DOCK4: variants seen among roughly 807,000 people sequenced by gnomAD.
The protein encoded by DOCK4 is dedicator of cytokinesis 4, also known as dedicator of cytokinesis protein 4.
A neutral mutation model predicts 268.1 loss-of-function variants in DOCK4; 97 were observed. The ratio of observed to expected loss-of-function variants is 0.36; its 90% CI spans 0.31 to 0.43. The LOEUF (loss-of-function observed/expected upper bound fraction) is 0.43. Ranked by LOEUF, DOCK4 falls within the 20% of genes least tolerant of loss-of-function variation. The probability of loss-of-function intolerance (pLI) is 1.00; values close to 1 mark genes in which losing one functional copy is unlikely to be tolerated. For synonymous variants in DOCK4, 954 were observed against 887.2 expected, an observed-to-expected ratio of 1.08 and a Z score of -1.34; for missense variants, 2,145 against 2,455.7, an observed-to-expected ratio of 0.87 and a Z score of 2.67.
At position 111,790,304 on chromosome 7, in the gene DOCK4, C is replaced by T. The variant is rs117031193; in HGVS notation, c.3315+153G>A. 1.1e-4 allele frequency among the ~76,000 whole-genome samples: 17 copies of T among 152,310 alleles called. No individual in the cohort carries two copies. In the East Asian group the frequency reaches 1.5e-3, roughly 14 times the overall value. ...CAACACAGGATCTGAGAAGTATCCA[C>T]GGCTGTGTGGCTTGGGAGTGGATAG... On this transcript the variant is annotated intron_variant, in intron 31 of 52. Coordinates refer to ENST00000428084, the MANE Select transcript of DOCK4 (RefSeq NM_001363540.2).
intron 15 of DOCK4, among the ~76,000 whole-genome samples, chr7:111,898,631 A>G (rs978384814): frequency 1.9e-4 from 29 of 152,330 alleles, no homozygotes; most frequent in African/African-American, 7.0e-4. Flanking sequence ...TTCATGAATA[A>G]CTGATGTTTT....
At chr7:112,117,979 A>G (rs952362141) in intron 1 of DOCK4, among the ~76,000 whole-genome samples, 10 of 150,152 alleles carry the variant, frequency 6.7e-5, no homozygotes, top group Non-Finnish European at 1.0e-4. Context: ...TATCACCATA[A>G]GAAAGAATGG....
At chr7:111,995,985 G>A (rs1799925678) in intron 4 of DOCK4, among the ~76,000 whole-genome samples, 1 of 152,130 alleles carries the variant, frequency 6.6e-6, no homozygotes, top group Non-Finnish European at 1.5e-5. Flanking sequence ...CATTTATTTT[G>A]CTTTTGAAGC....
intron 8 of DOCK4, among the ~76,000 whole-genome samples, chr7:111,950,901 C>G (rs973941453): frequency 6.6e-6 from 1 of 152,104 alleles, no homozygotes; most frequent in Non-Finnish European, 1.5e-5. Context: ...CCTCTTCTTA[C>G]AGAATGAATA....
At chr7:111,788,979 A>G (rs1463260612) in intron 31 of DOCK4, 1 of 554,728 alleles carries the variant, frequency 1.8e-6, no homozygotes, top group Admixed American at 3.0e-5. Flanking sequence ...TGCCAAAGAC[A>G]TCTATCTATT....
intron 1 of DOCK4, among the ~76,000 whole-genome samples, chr7:112,030,960 C>T (rs907607085): frequency 6.6e-6 from 1 of 152,232 alleles, no homozygotes; most frequent in Non-Finnish European, 1.5e-5. Context: ...GCAGAAGTCA[C>T]TGGTCCATGT....
chr7:112,121,042 A>G (rs752608294), intron 1 of DOCK4, among the ~76,000 whole-genome samples: 1 of 152,224 alleles, frequency 6.6e-6, no homozygotes, highest in Non-Finnish European at 1.5e-5. Context: ...AGCATAAAGG[A>G]GACATTTATT....
chr7:111,933,294 A>ATTTT (rs1794411924), intron 12 of DOCK4, among the ~76,000 whole-genome samples: 1 of 116,366 alleles, frequency 8.6e-6, no homozygotes, highest in Non-Finnish European at 1.8e-5. Context: ...ATATATATAT[A>ATTTT]TATATTTTTT....
chr7:111,818,415 A>AT (rs1801721941), intron 27 of DOCK4, among the ~76,000 whole-genome samples: 1 of 150,112 alleles, frequency 6.7e-6, no homozygotes, highest in Non-Finnish European at 1.5e-5. Flanking sequence ...TCCTCTTTCC[A>AT]TTTTTTCCAA....
At chr7:112,091,711 C>T (rs1385853198) in intron 1 of DOCK4, among the ~76,000 whole-genome samples, 1 of 152,136 alleles carries the variant, frequency 6.6e-6, no homozygotes, top group Non-Finnish European at 1.5e-5. Flanking sequence ...TCAGATTTTT[C>T]CTCACCTAGA....
chr7:111,730,357 C>T (rs561713114), intron 52 of DOCK4, among the ~76,000 whole-genome samples: 18 of 152,310 alleles, frequency 1.2e-4, no homozygotes, highest in African/African-American at 1.9e-4. Context: ...TTTTCTCCCC[C>T]GCTTATTACA....
rs869052136 is a variant in DOCK4 at position 111,762,762 on chromosome 7, C to CTTTTTTTTTTTTTTT, written c.4020+2341_4020+2355dup. On this transcript the variant is annotated intron_variant, in intron 39 of 52. Coordinates refer to ENST00000428084, the MANE Select transcript of DOCK4 (RefSeq NM_001363540.2). ...TAAATAACCCATTTTGTTTTGTTTT[C>CTTTTTTTTTTTTTTT]TTTTTTTTTTTTTTTTTTTTTTTTG... is the stretch of plus-strand genomic sequence containing the variant. Among the ~76,000 whole-genome samples the CTTTTTTTTTTTTTTT allele has an allele frequency of 3.0e-3, 191 of 63,022 alleles. 8 individuals carry two copies. The highest frequency in any genetic ancestry group is 6.0e-3 in the East Asian group (12 of 2,004). 41.3% of individuals were successfully genotyped at this position (63,022 alleles called of 152,430 possible). A position where few individuals can be genotyped will look rare whatever the true frequency, so the allele number is the denominator to read the frequency against.
chr7:112,093,849 A>G (rs1809861020), intron 1 of DOCK4, among the ~76,000 whole-genome samples: 1 of 151,170 alleles, frequency 6.6e-6, no homozygotes, highest in Non-Finnish European at 1.5e-5. Flanking sequence ...AGGCCCTTAT[A>G]AAAAATTAAT....
chr7:111,838,448 C>A (rs1271816948), intron 25 of DOCK4, among the ~76,000 whole-genome samples: 2 of 151,978 alleles, frequency 1.3e-5, no homozygotes, highest in Admixed American at 6.6e-5. Flanking sequence ...TGCAGTATAT[C>A]CATACAATGG....
chr7:112,043,878 G>C lies in DOCK4; in HGVS notation c.38-39747C>G, dbSNP rs10259617. On this transcript the variant is annotated intron_variant, in intron 1 of 52. Coordinates refer to ENST00000428084, the MANE Select transcript of DOCK4 (RefSeq NM_001363540.2). ...AAGACTTTATTATTTTGCATCTGAG[G>C]TAGGAAAACTAAGTTTAAAGAAAAG... Among the ~76,000 whole-genome samples, 860 of 152,070 alleles carry C rather than the reference G, an allele frequency of 5.7e-3. 14 individuals carry two copies. The highest frequency in any genetic ancestry group is 0.02 in the African/African-American group (814 of 41,472).
At chr7:111,813,419 C>A (rs1410964041) in intron 27 of DOCK4, among the ~76,000 whole-genome samples, 4 of 152,066 alleles carry the variant, frequency 2.6e-5, no homozygotes, top group African/African-American at 7.2e-5. Context: ...TTATAGCTTT[C>A]TTGTGGGGTA....
intron 1 of DOCK4, among the ~76,000 whole-genome samples, chr7:112,182,812 A>G (rs1409453938): frequency 6.6e-6 from 1 of 152,242 alleles, no homozygotes; most frequent in Non-Finnish European, 1.5e-5. Context: ...CTAAACCACG[A>G]GACACAGAAT....
intron 1 of DOCK4, among the ~76,000 whole-genome samples, chr7:112,192,689 T>A (rs1442314435): frequency 2.0e-5 from 3 of 152,166 alleles, no homozygotes; most frequent in Non-Finnish European, 4.4e-5. Context: ...GTAAATGAGA[T>A]AAAACTATGA....
Position 111,983,862 on chromosome 7 carries a change from G to GCGCGCACACA in DOCK4, c.549+443_549+444insTGTGTGCGCG. Reference sequence around the variant, plus strand: ...CACACACACGCGCGCGCGCGCGCGCGCACACACACACACACACACACACAC... The same window carrying GCGCGCACACA: ...CACACACACGCGCGCGCGCGCGCGCGCGCGCACACACACACACACACACACACACACACAC... On this transcript the variant is annotated intron_variant, in intron 7 of 52. Transcript: ENST00000428084. Among the ~76,000 whole-genome samples, 32 of 138,648 alleles carry GCGCGCACACA rather than the reference G, an allele frequency of 2.3e-4. 1 individual carries two copies. Among genetic ancestry groups the GCGCGCACACA allele is most frequent in the African/African-American group, 8.4e-4 (30 of 35,516 alleles). 91.0% of individuals were successfully genotyped at this position (138,648 alleles called of 152,430 possible).
Sources: allele counts gnomAD v4.1 joint callset (sites outside exome capture counted in the v4.1 genomes callset), GRCh38; gene constraint gnomAD v4.1.1; transcripts MANE v1.5; gene names NCBI Gene and HGNC (gene_info 2026-07-23, HGNC 2026-07-21).